Variants in DICER1 observed in about 807,000 individuals in gnomAD.
DICER1 encodes the protein dicer 1, ribonuclease III.
DICER1 carries 43 observed loss-of-function variants against 194.1 expected under a neutral mutation model. The ratio of observed to expected loss-of-function variants is 0.22; its 90% CI spans 0.17 to 0.29. The LOEUF (loss-of-function observed/expected upper bound fraction) is 0.29. DICER1 is among the 10% of genes least tolerant of loss of function. The pLI is 1.00. For missense variants in DICER1, 1,608 were observed against 2,317.0 expected, an observed-to-expected ratio of 0.69 and a Z score of 6.28; for synonymous variants, 832 against 820.5, an observed-to-expected ratio of 1.01 and a Z score of -0.24.
At position 95,089,278 on chromosome 14, in the gene DICER1, T is replaced by A. The variant is rs1214729924; in HGVS notation, c.*1220A>T. 6 of 232,704 alleles carry A rather than the reference T, an allele frequency of 2.6e-5. No individual in the cohort carries two copies. Among genetic ancestry groups the A allele is most frequent in the African/African-American group, 1.3e-4 (6 of 45,240 alleles). 14.4% of individuals were successfully genotyped at this position (232,704 alleles called of 1,614,324 possible). On this transcript the variant is annotated 3_prime_UTR_variant, in exon 27 of 27. Coordinates refer to ENST00000343455, the MANE Select transcript of DICER1 (RefSeq NM_177438.3). Reference sequence around the variant, plus strand: ...ATTAATGACCTAAATCACAGATGTATCAAAATTACGGCAGTTTATCGCAAA... The same window carrying A: ...ATTAATGACCTAAATCACAGATGTAACAAAATTACGGCAGTTTATCGCAAA...
intron 1 of DICER1, among the ~76,000 whole-genome samples, chr14:95,154,989 C>T (rs1366806893): frequency 6.6e-6 from 1 of 152,136 alleles, no homozygotes; most frequent in Non-Finnish European, 1.5e-5. Flanking sequence ...ACACGTGATG[C>T]AGCCCTGAAA....
chr14:95,128,053 A>G (rs530470010), intron 6 of DICER1, among the ~76,000 whole-genome samples: 2 of 152,198 alleles, frequency 1.3e-5, no homozygotes, highest in African/African-American at 2.4e-5. Context: ...TTAAATCCTC[A>G]TAAGGAAAAC....
At chr14:95,132,786 TC>T in intron 2 of DICER1, 109 bp from the exon 3 acceptor site, 1 of 1,102,610 alleles carries the variant, frequency 9.1e-7, no homozygotes, top group South Asian at 1.4e-5. Flanking sequence ...AAAATCGTCC[TC>T]CAATAAATTT....
In DICER1 at chr14:95,115,894, A is replaced by G. The variant is rs972625549; in HGVS notation, c.1753-73T>C. 8.1e-5 allele frequency: 119 copies of G among 1,472,926 alleles called. 2 individuals carry two copies. In the African/African-American group the frequency reaches 1.4e-3, roughly 18 times the overall value. 91.2% of individuals were successfully genotyped at this position (1,472,926 alleles called of 1,614,324 possible). ...CTGTATGCTGTCTGCCTCTGTACCT[A>G]CAGAAAAAACTCTCCTGAAAATATC... On this transcript the variant is annotated intron_variant, in intron 10 of 26. Coordinates refer to ENST00000343455, the MANE Select transcript of DICER1 (RefSeq NM_177438.3).
rs200195068 is a variant in DICER1 at position 95,108,298 on chromosome 14, A to C, written c.2436+26T>G. 76 of 1,607,808 alleles carry C rather than the reference A, an allele frequency of 4.7e-5. No individual in the cohort carries two copies. In the African/African-American group the frequency reaches 9.5e-4, roughly 20 times the overall value. ...TTTTCCTAAGCAAGACGTTTTTGAC[A>C]TAAGTACTCATTATGAAATACCTAC... On this transcript the variant is annotated intron_variant, in intron 15 of 26. Transcript: ENST00000343455.
At chr14:95,131,279 CCTCCCAAAGTGCTGGGA>C (rs1324894218) in intron 4 of DICER1, among the ~76,000 whole-genome samples, 10 of 152,168 alleles carry the variant, frequency 6.6e-5, no homozygotes, top group African/African-American at 1.2e-4. Flanking sequence ...CCCACCTCAG[CCTCCCAAAGTGCTGGGA>C]TTACAGACGT....
intron 7 of DICER1, among the ~76,000 whole-genome samples, chr14:95,125,544 GAGA>G (rs1893336935): frequency 9.6e-6 from 1 of 103,682 alleles, no homozygotes; most frequent in African/African-American, 3.9e-5. Flanking sequence ...GAGGGAGAGG[GAGA>G]AGGTCGGGGG....
At chr14:95,108,556 T>C in intron 14 of DICER1, 53 bp from the exon 15 acceptor site, 1 of 1,510,138 alleles carries the variant, frequency 6.6e-7, no homozygotes, top group Non-Finnish European at 9.2e-7. Flanking sequence ...TAGCCTCTTT[T>C]CCAGATGTCA....
chr14:95,143,351 A>G (rs2140382482), intron 1 of DICER1, among the ~76,000 whole-genome samples: 1 of 152,326 alleles, frequency 6.6e-6, no homozygotes, highest in South Asian at 2.1e-4. Flanking sequence ...TGCTGAAAAT[A>G]AAAGGGAAGA....
At position 95,087,382 on chromosome 14, in the gene DICER1, G is replaced by A. The variant is rs1005983613; in HGVS notation, c.*3116C>T. ...AAACATTTTAAAAACATAATTAAGAGTTCAGTTAACAAATCTGTTTCATAC... is the reference window on the plus strand; with the variant it reads ...AAACATTTTAAAAACATAATTAAGAATTCAGTTAACAAATCTGTTTCATAC... On this transcript the variant is annotated 3_prime_UTR_variant, in exon 27 of 27. Transcript: ENST00000343455. The A allele has an allele frequency of 1.7e-5, 4 of 233,266 alleles. No homozygotes were observed. The allele number at this position is 233,266 out of a possible 1,614,324, so 14.4% of individuals were successfully genotyped here. A position where few individuals can be genotyped will look rare whatever the true frequency, so the allele number is the denominator to read the frequency against.
intron 1 of DICER1, among the ~76,000 whole-genome samples, chr14:95,146,564 C>T (rs1034906286): frequency 6.6e-6 from 1 of 152,228 alleles, no homozygotes; most frequent in Admixed American, 6.5e-5. Flanking sequence ...GCCTTCCTCA[C>T]CCTTCAGTTG....
Position 95,105,312 on chromosome 14 carries a change from C to T in DICER1, c.3094-66G>A, listed in dbSNP as rs929876776. 2 of 1,327,804 alleles carry T rather than the reference C, an allele frequency of 1.5e-6. No individual in the cohort carries two copies. Among genetic ancestry groups the T allele is most frequent in the African/African-American group, 2.9e-5 (2 of 68,448 alleles). The allele number at this position is 1,327,804 out of a possible 1,614,324, so 82.3% of individuals were successfully genotyped here. A position where few individuals can be genotyped will look rare whatever the true frequency, so the allele number is the denominator to read the frequency against. On this transcript the variant is annotated intron_variant, in intron 19 of 26. Coordinates refer to ENST00000343455, the MANE Select transcript of DICER1 (RefSeq NM_177438.3). The surrounding 1 kb of genome is among the most constrained non-coding windows in gnomAD (Gnocchi z 4.9). ...CACACACAAAAGAAAAAAAAAAAGA[C>T]CAATTTCACTAATGGATAAAGAAAA... is the stretch of plus-strand genomic sequence containing the variant.
chr14:95,116,409 T>G, intron 10 of DICER1, 44 bp downstream of exon 10: 1 of 1,600,032 alleles, frequency 6.2e-7, no homozygotes, highest in Non-Finnish European at 8.5e-7. Context: ...CCACATTAAT[T>G]TTTTTTCCCA....
rs537250395 is a variant in DICER1 at position 95,124,059 on chromosome 14, G to A, written c.1376+137C>T. ...TCTGTCAATCCCAGGACAGCATGAC[G>A]TATCAGCAATGATGGCGCCAAGTCA... On this transcript the variant is annotated intron_variant, in intron 8 of 26. Coordinates refer to ENST00000343455, the MANE Select transcript of DICER1 (RefSeq NM_177438.3). This position sits in a 1 kb window ranked among gnomAD's most constrained non-coding sequence, Gnocchi z 4.5. 6.2e-5 allele frequency: 42 copies of A among 677,406 alleles called. No homozygotes were observed. Among genetic ancestry groups the A allele is most frequent in the African/African-American group, 3.0e-4 (17 of 56,012 alleles). 42.0% of individuals were successfully genotyped at this position (677,406 alleles called of 1,614,324 possible).
At chr14:95,135,205 A>G (rs1214925375) in intron 1 of DICER1, among the ~76,000 whole-genome samples, 1 of 151,946 alleles carries the variant, frequency 6.6e-6, no homozygotes, top group Non-Finnish European at 1.5e-5. Context: ...TCATGACTAC[A>G]GACTGCATAC....
rs2139965522 is a variant in DICER1 at position 95,103,842 on chromosome 14, G to A, written c.3554C>T (p.Ala1185Val). The change falls in exon 21 of 27, where the codon GCC becomes GTC. Residue 1185 changes from alanine to valine, a missense_variant. Around this residue, in one of 10 missense-constraint regions of DICER1, gnomAD observed 222 missense variants for 215.5 expected, o/e 1.03. Transcript: ENST00000343455. ...INGLSYNQNL[A>V]NGSYDLANRD... ...GTTAGCTAAATCATAACTGCCATTGGCGAGATTTTGATTGTAAGAAAGACC... is the reference window on the plus strand; with the variant it reads ...GTTAGCTAAATCATAACTGCCATTGACGAGATTTTGATTGTAAGAAAGACC... 1 of 1,614,158 alleles carries A rather than the reference G, an allele frequency of 6.2e-7. No homozygotes were observed. Among genetic ancestry groups the A allele is most frequent in the Non-Finnish European group, 8.5e-7 (1 of 1,180,038 alleles).
intron 4 of DICER1, 104 bp from the exon 5 acceptor site, chr14:95,130,296 G>A (rs1345601195): frequency 1.2e-5 from 13 of 1,102,130 alleles, no homozygotes; most frequent in East Asian, 2.5e-5. Context: ...GAGGATTAAG[G>A]AATTCATTAG....
rs756827508 is a variant in DICER1 at position 95,094,079 on chromosome 14, G to A, written c.5173C>T (p.Arg1725Trp). The change falls in exon 24 of 27, where the codon CGG (arginine) becomes TGG (tryptophan). Residue 1725 changes from arginine to tryptophan, a missense_variant. Physicochemically the swap from Arg to Trp is moderately radical, Grantham distance 101 (BLOSUM62 -3). Coordinates refer to ENST00000343455, the MANE Select transcript of DICER1 (RefSeq NM_177438.3). The part of the protein sequence containing the change: ...LITKHLYEDP[R>W]QHSPGVLTDL... Reference sequence around the variant, plus strand: ...GTCAGGACCCCCGGGGAGTGCTGCCGCGGGTCTTCATAAAGGTGCTTGGTT... The same window carrying A: ...GTCAGGACCCCCGGGGAGTGCTGCCACGGGTCTTCATAAAGGTGCTTGGTT... The A allele has an allele frequency of 2.5e-6, 4 of 1,614,058 alleles. No individual in the cohort carries two copies. The highest frequency in any genetic ancestry group is 1.7e-6 in the Non-Finnish European group (2 of 1,179,998).
rs998807097 is a variant in DICER1, at chr14:95,091,167, G to A, written c.5527+36C>T. ...TATCTCTGAAGTTGTTTTTAATTTT[G>A]TGGGTTTTTTTCTTTCTAAAGGGAG... On this transcript the variant is annotated intron_variant, in intron 25 of 26. Coordinates refer to ENST00000343455, the MANE Select transcript of DICER1 (RefSeq NM_177438.3). 3.1e-6 allele frequency: 5 copies of A among 1,613,952 alleles called. No homozygotes were observed. In the African/African-American group the frequency reaches 6.7e-5, roughly 22 times the overall value.
Sources: allele counts gnomAD v4.1 joint callset (sites outside exome capture counted in the v4.1 genomes callset), GRCh38; gene constraint gnomAD v4.1.1; regional missense constraint gnomAD v4.1.1; non-coding constraint Gnocchi (gnomAD v3.1); transcripts MANE v1.5; gene names NCBI Gene and HGNC (gene_info 2026-07-23, HGNC 2026-07-21).